NBPF11: variants seen among roughly 807,000 people sequenced by gnomAD.
NBPF11 encodes NBPF member 11.
A neutral mutation model predicts 93.9 loss-of-function variants in NBPF11; 72 were observed. The observed-to-expected ratio is 0.77, with a 90% CI of 0.63 to 0.93. The LOEUF (loss-of-function observed/expected upper bound fraction) is 0.93. Ranked by LOEUF, NBPF11 falls within the 40% of genes least tolerant of loss-of-function variation. NBPF11 has a pLI of 0.00. For synonymous variants in NBPF11, 224 were observed against 304.9 expected (o/e 0.73, Z 2.76); for missense variants, 705 against 802.2 (o/e 0.88, Z 1.46).
At chr1:148,134,127 T>G (rs2795746) in intron 4 of NBPF11, among the ~76,000 whole-genome samples, 10 of 150,398 alleles carry the variant, frequency 6.6e-5, no homozygotes, top group African/African-American at 1.7e-4. Flanking sequence ...GACCTTTACA[T>G]GCACGCCGCT....
rs1648511552 is a variant in NBPF11, at chr1:148,152,043, A to AC, written c.-843dup. The stretch of plus-strand genomic sequence containing the variant: ...ACAGGCGCAGCTGGGCCTTAAAGGG[A>AC]CCCGGCTGCCTCTACCGCACAGCGG... On this transcript the variant is annotated 5_prime_UTR_variant, in exon 1 of 24. Transcript: ENST00000682118. 1 of 151,980 alleles carries AC rather than the reference A, an allele frequency of 6.6e-6. No individual in the cohort carries two copies. Among genetic ancestry groups the AC allele is most frequent in the African/African-American group, 2.4e-5 (1 of 41,274 alleles). The allele number at this position is 151,980 out of a possible 1,614,324, so 9.4% of individuals were successfully genotyped here.
intron 1 of NBPF11, chr1:148,149,264 C>T: frequency 6.3e-7 from 1 of 1,596,198 alleles, no homozygotes; most frequent in Non-Finnish European, 8.5e-7. Flanking sequence ...GGTGGTGCTG[C>T]ACTCGCCGCT....
Position 148,103,925 on chromosome 1 carries a change from A to G in NBPF11, c.2582-13T>C, listed in dbSNP as rs1401332557. 2 of 1,610,668 alleles carry G rather than the reference A, an allele frequency of 1.2e-6. No homozygotes were observed. Among genetic ancestry groups the G allele is most frequent in the African/African-American group, 1.3e-5 (1 of 74,634 alleles). On this transcript the variant is annotated splice_polypyrimidine_tract_variant and intron_variant, in intron 23 of 23. Coordinates refer to ENST00000682118, the MANE Select transcript of NBPF11 (RefSeq NM_001385469.3). ...CACGCTGCTGAGCCTGGAAAAGGAG[A>G]CAAAACTAAAGAAGCAGCCAGGGAA...
intron 10 of NBPF11, among the ~76,000 whole-genome samples, chr1:148,119,737 C>A (rs1422889023): frequency 1.3e-5 from 2 of 152,062 alleles, no homozygotes; most frequent in African/African-American, 2.4e-5. Flanking sequence ...CTCACTGCAA[C>A]CTCAGCCTCC....
chr1:148,107,377 T>G, intron 19 of NBPF11, among the ~76,000 whole-genome samples: 1 of 149,784 alleles, frequency 6.7e-6, no homozygotes, highest in African/African-American at 2.5e-5. Flanking sequence ...GATGAAGGGG[T>G]CAAAGGACAC....
intron 4 of NBPF11, among the ~76,000 whole-genome samples, chr1:148,134,913 T>A (rs1671026176): frequency 6.6e-6 from 1 of 151,976 alleles, no homozygotes; most frequent in Non-Finnish European, 1.5e-5. Context: ...CCCACAAGCC[T>A]CAACCATGCT....
At chr1:148,120,360 A>T (rs1239751969) in intron 10 of NBPF11, 141 bp downstream of exon 10, 6 of 670,496 alleles carry the variant, frequency 8.9e-6, no homozygotes, top group Middle Eastern at 4.0e-4. Context: ...CAACTTTAAC[A>T]AAATGTTAAA....
chr1:148,148,735 G>A (rs1471769511), intron 1 of NBPF11, among the ~76,000 whole-genome samples: 20 of 152,006 alleles, frequency 1.3e-4, no homozygotes, highest in Non-Finnish European at 2.4e-4. Flanking sequence ...AGTGTCCGCT[G>A]TCCTGGCCAG....
chr1:148,121,853 G>C (rs1298379404), intron 9 of NBPF11, among the ~76,000 whole-genome samples: 1 of 151,832 alleles, frequency 6.6e-6, no homozygotes, highest in Non-Finnish European at 1.5e-5. Flanking sequence ...TATACTCCAG[G>C]CTGGTCTTCA....
chr1:148,143,837 C>A (rs1445466436), intron 1 of NBPF11, among the ~76,000 whole-genome samples, 151 bp from the exon 2 acceptor site: 1 of 150,914 alleles, frequency 6.6e-6, no homozygotes, highest in Non-Finnish European at 1.5e-5. Flanking sequence ...GGGTTTCTGT[C>A]ATATGTAATC....
At chr1:148,108,700 A>T in intron 17 of NBPF11, 46 bp from the exon 18 acceptor site, 1 of 776,228 alleles carries the variant, frequency 1.3e-6, no homozygotes, top group Non-Finnish European at 2.3e-6. Context: ...GGGAATCAGA[A>T]ACCACACAGC....
At chr1:148,103,998 A>C in intron 23 of NBPF11, 86 bp from the exon 24 acceptor site, 1 of 1,608,834 alleles carries the variant, frequency 6.2e-7, no homozygotes, top group Non-Finnish European at 8.5e-7. Flanking sequence ...AACATAAGGA[A>C]GTGGTTGGAA....
intron 1 of NBPF11, among the ~76,000 whole-genome samples, chr1:148,148,830 A>G (rs1571502385): frequency 6.6e-6 from 1 of 151,888 alleles, no homozygotes; most frequent in Non-Finnish European, 1.5e-5. Flanking sequence ...GTGTGCACCT[A>G]GGGGTGACCA....
chr1:148,146,814 C>T, intron 1 of NBPF11: 1 of 1,613,646 alleles, frequency 6.2e-7, no homozygotes, highest in Non-Finnish European at 8.5e-7. Context: ...GCCTCCACTG[C>T]AACATCTTCA....
In NBPF11 at chr1:148,149,548, GCCCAGCCAGCGCGCCTAGCGGCGGC is replaced by G; in HGVS notation, c.-549+2177_-549+2201del. 1.9e-6 allele frequency: 3 copies of G among 1,593,966 alleles called. No homozygotes were observed. In the East Asian group the frequency reaches 6.7e-5, roughly 36 times the overall value. On this transcript the variant is annotated intron_variant, in intron 1 of 23. Coordinates refer to ENST00000682118, the MANE Select transcript of NBPF11 (RefSeq NM_001385469.3). ...TGCGTCGCTTCATCTCCCAGGAGCTGCCCAGCCAGCGCGCCTAGCGGCGGCCCCAACCAGCCGGACCTCAGCAATA... is the reference window on the plus strand; with the variant it reads ...TGCGTCGCTTCATCTCCCAGGAGCTGCCCAACCAGCCGGACCTCAGCAATA...
intron 1 of NBPF11, chr1:148,146,641 C>A: frequency 6.2e-7 from 1 of 1,611,536 alleles, no homozygotes; most frequent in Non-Finnish European, 8.5e-7. Flanking sequence ...CCAGCGCGAG[C>A]TGGACACCAT....
chr1:148,137,507 C>A (rs1671508424), intron 3 of NBPF11, among the ~76,000 whole-genome samples: 1 of 152,174 alleles, frequency 6.6e-6, no homozygotes, highest in African/African-American at 2.4e-5. Context: ...ATCAGAGAAC[C>A]CGGCCGCTTC....
chr1:148,145,192 T>A (rs1342897632), intron 1 of NBPF11, among the ~76,000 whole-genome samples: 1 of 135,964 alleles, frequency 7.4e-6, no homozygotes, highest in Admixed American at 7.5e-5. Context: ...ATTGATTTCT[T>A]TTTTCTTTCT....
chr1:148,105,639 G>A, intron 21 of NBPF11, 111 bp from the exon 22 acceptor site: 1 of 675,780 alleles, frequency 1.5e-6, no homozygotes. Flanking sequence ...TAAAAGGATA[G>A]ATCTATTAAT....
Sources: allele counts gnomAD v4.1 joint callset (sites outside exome capture counted in the v4.1 genomes callset), GRCh38; gene constraint gnomAD v4.1.1; transcripts MANE v1.5; gene names NCBI Gene and HGNC (gene_info 2026-07-23, HGNC 2026-07-21).